DLG2: variants seen among roughly 807,000 people sequenced by gnomAD.
DLG2 encodes disks large homolog 2.
A neutral mutation model predicts 132.5 loss-of-function variants in DLG2; 45 were observed. That is an observed-to-expected ratio of 0.34 (90% CI 0.27 to 0.44). The LOEUF (loss-of-function observed/expected upper bound fraction) is 0.44. Ranked by LOEUF, DLG2 falls within the 20% of genes least tolerant of loss-of-function variation. The pLI is 1.00. For synonymous variants in DLG2, 424 were observed against 419.6 expected (o/e 1.01, Z -0.13); for missense variants, 1,045 against 1,196.9 (o/e 0.87, Z 1.87).
intron 6 of DLG2, among the ~76,000 whole-genome samples, chr11:84,971,695 T>C (rs886231121): frequency 3.9e-5 from 6 of 152,186 alleles, no homozygotes; most frequent in African/African-American, 1.2e-4. Flanking sequence ...AGGGTAATTC[T>C]TTGATGGTAT....
intron 4 of DLG2, among the ~76,000 whole-genome samples, chr11:85,282,767 G>A (rs527287254): frequency 7.9e-5 from 12 of 151,868 alleles, no homozygotes; most frequent in South Asian, 4.2e-4. Context: ...ATGTTCTTTC[G>A]TAATGACACA....
At chr11:84,698,519 T>C (rs2058854791) in intron 6 of DLG2, among the ~76,000 whole-genome samples, 1 of 151,636 alleles carries the variant, frequency 6.6e-6, no homozygotes, top group Admixed American at 6.6e-5. Context: ...GACTTTTTGG[T>C]ATAAGTAATT....
chr11:83,873,579 C>T (rs1320783138), intron 16 of DLG2, among the ~76,000 whole-genome samples: 1 of 152,194 alleles, frequency 6.6e-6, no homozygotes, highest in African/African-American at 2.4e-5. Context: ...AATGCAACTC[C>T]ACTAAACCTC....
intron 6 of DLG2, among the ~76,000 whole-genome samples, chr11:84,975,547 G>T (rs1005541960): frequency 3.3e-5 from 5 of 152,150 alleles, no homozygotes; most frequent in African/African-American, 1.2e-4. Flanking sequence ...CAAGGAGAAT[G>T]AGTTACAATG....
chr11:85,154,390 G>T (rs569200328), intron 5 of DLG2, among the ~76,000 whole-genome samples, 166 bp downstream of exon 5: 1 of 152,148 alleles, frequency 6.6e-6, no homozygotes, highest in Non-Finnish European at 1.5e-5. Context: ...TACACATTCA[G>T]TGTCAGCTCA....
At chr11:84,351,575 AG>A (rs1332543831) in intron 7 of DLG2, among the ~76,000 whole-genome samples, 12 of 152,306 alleles carry the variant, frequency 7.9e-5, no homozygotes, top group African/African-American at 2.9e-4. Context: ...CATATATAAC[AG>A]CATTTGATTT....
intron 7 of DLG2, among the ~76,000 whole-genome samples, chr11:84,447,399 A>G (rs1208067729): frequency 6.6e-6 from 1 of 152,194 alleles, no homozygotes; most frequent in Non-Finnish European, 1.5e-5. Flanking sequence ...CATGCTCAAT[A>G]TTATGAAAAG....
intron 3 of DLG2, among the ~76,000 whole-genome samples, chr11:85,458,946 G>A (rs1276789659): frequency 6.6e-6 from 1 of 152,134 alleles, no homozygotes; most frequent in Non-Finnish European, 1.5e-5. Flanking sequence ...CTTGCCTCTT[G>A]GGGTTCCAAC....
intron 2 of DLG2, among the ~76,000 whole-genome samples, chr11:85,599,921 T>C (rs532624140): frequency 8.3e-4 from 127 of 152,346 alleles, no homozygotes; most frequent in African/African-American, 2.9e-3. Context: ...TCTTTGAATT[T>C]AAAAGCCCTC....
At chr11:84,074,824 G>A (rs1156735067) in intron 10 of DLG2, among the ~76,000 whole-genome samples, 4 of 152,134 alleles carry the variant, frequency 2.6e-5, no homozygotes, top group Non-Finnish European at 4.4e-5. Flanking sequence ...CACCGCGCCC[G>A]GCCCACAGTT....
chr11:84,099,086 T>C, intron 9 of DLG2, 39 bp from the exon 10 acceptor site: 1 of 1,598,058 alleles, frequency 6.3e-7, no homozygotes, highest in Non-Finnish European at 8.6e-7. Context: ...GATGTGTCTG[T>C]CACCTAAAAC....
At chr11:83,601,090 T>C (rs1434091199) in intron 19 of DLG2, among the ~76,000 whole-genome samples, 1 of 152,230 alleles carries the variant, frequency 6.6e-6, no homozygotes, top group Non-Finnish European at 1.5e-5. Context: ...AGATACAATC[T>C]ATAATACCTG....
chr11:84,477,856 C>G (rs1409464472), intron 7 of DLG2, among the ~76,000 whole-genome samples: 1 of 152,130 alleles, frequency 6.6e-6, no homozygotes, highest in Non-Finnish European at 1.5e-5. Flanking sequence ...CCCTTTTTAG[C>G]CAGGTGGCAG....
chr11:84,051,772 A>G (rs529945278), intron 11 of DLG2, among the ~76,000 whole-genome samples: 5 of 151,888 alleles, frequency 3.3e-5, no homozygotes, highest in South Asian at 4.1e-4. Flanking sequence ...TTAAAGTATA[A>G]TATAAAAAAA....
chr11:85,539,623 T>G (rs546584677), intron 3 of DLG2, among the ~76,000 whole-genome samples: 1 of 152,306 alleles, frequency 6.6e-6, no homozygotes, highest in South Asian at 2.1e-4. Flanking sequence ...CACCAAATTG[T>G]ACACTTTAAA....
intron 19 of DLG2, among the ~76,000 whole-genome samples, chr11:83,595,865 A>G (rs374790379): frequency 3.3e-5 from 5 of 152,228 alleles, no homozygotes; most frequent in African/African-American, 1.2e-4. Flanking sequence ...TCTCATAACT[A>G]TGCCCTTGAT....
At chr11:85,360,273 C>T (rs1342451431) in intron 3 of DLG2, among the ~76,000 whole-genome samples, 2 of 152,210 alleles carry the variant, frequency 1.3e-5, no homozygotes, top group Non-Finnish European at 2.9e-5. Context: ...GGCTTCCATT[C>T]TTCTAATCAC....
At chr11:84,204,280 C>T (rs2096637064) in intron 8 of DLG2, among the ~76,000 whole-genome samples, 1 of 152,148 alleles carries the variant, frequency 6.6e-6, no homozygotes, top group African/African-American at 2.4e-5. Flanking sequence ...TTAAAGCAAA[C>T]AACGTTTTGT....
At chr11:85,372,518 C>T (rs1300007976) in intron 3 of DLG2, among the ~76,000 whole-genome samples, 1 of 152,214 alleles carries the variant, frequency 6.6e-6, no homozygotes, top group Non-Finnish European at 1.5e-5. Context: ...GATCCAGAAG[C>T]AAATGATAAT....
Sources: gnomAD v4.1 joint callset for allele counts (sites outside exome capture counted in the v4.1 genomes callset) on GRCh38, gnomAD v4.1.1 for gene constraint, MANE v1.5 for transcripts, NCBI Gene and HGNC (gene_info 2026-07-23, HGNC 2026-07-21) for gene names.